WLS: variants seen among roughly 807,000 people sequenced by gnomAD.
The protein encoded by WLS is Wnt ligand secretion mediator.
WLS carries 23 observed loss-of-function variants against 62.8 expected under a neutral mutation model. The ratio of observed to expected loss-of-function variants is 0.37; its 90% confidence interval spans 0.26 to 0.52. The LOEUF (loss-of-function observed/expected upper bound fraction) is 0.52. Among genes scored for constraint, WLS ranks in the 20% least tolerant of loss-of-function variants. WLS has a pLI of 0.92. For missense variants in WLS, 615 were observed against 697.3 expected (o/e 0.88, Z 1.33); for synonymous variants, 246 against 244.1 (o/e 1.01, Z -0.07).
chr1:68,137,056 C>T (rs1347818058), intron 11 of WLS, among the ~76,000 whole-genome samples: 1 of 152,214 alleles, frequency 6.6e-6, no homozygotes, highest in Non-Finnish European at 1.5e-5. Context: ...TATCAGGCCA[C>T]CTGTTACCTG....
chr1:68,197,670 G>A (rs1359895191), intron 1 of WLS, among the ~76,000 whole-genome samples: 1 of 152,084 alleles, frequency 6.6e-6, no homozygotes, highest in Non-Finnish European at 1.5e-5. Context: ...TCTTTATATA[G>A]ACAGCATTAT....
chr1:68,116,541 T>A (rs1646293966), intron 11 of WLS, among the ~76,000 whole-genome samples: 1 of 152,194 alleles, frequency 6.6e-6, no homozygotes, highest in South Asian at 2.1e-4. Context: ...ACCCAAGCTC[T>A]CTGTGCCAAC....
At chr1:68,170,063 C>T (rs1036818491) in intron 2 of WLS, among the ~76,000 whole-genome samples, 2 of 151,856 alleles carry the variant, frequency 1.3e-5, no homozygotes, top group African/African-American at 2.4e-5. Context: ...TAATGCCCTT[C>T]TCCTATCACT....
At chr1:68,110,677 C>G (rs989245244) in intron 11 of WLS, among the ~76,000 whole-genome samples, 1 of 132,272 alleles carries the variant, frequency 7.6e-6, no homozygotes, top group Non-Finnish European at 1.7e-5. Context: ...CTCTCTCTCT[C>G]TCTCTCTCTC....
chr1:68,224,051 A>G (rs1650042208), intron 1 of WLS, among the ~76,000 whole-genome samples: 1 of 152,214 alleles, frequency 6.6e-6, no homozygotes. Context: ...TTTTCTTTCA[A>G]TTACCTCTGC....
chr1:68,209,681 G>A (rs924827480), intron 1 of WLS, among the ~76,000 whole-genome samples: 1 of 152,146 alleles, frequency 6.6e-6, no homozygotes, highest in Non-Finnish European at 1.5e-5. Flanking sequence ...TCAGGAGGCT[G>A]AGGCAGGAGA....
At chr1:68,145,810 C>T in intron 9 of WLS, 59 bp downstream of exon 9, 3 of 1,604,268 alleles carry the variant, frequency 1.9e-6, no homozygotes, top group Non-Finnish European at 2.6e-6. Context: ...TGTGTTTACA[C>T]ATCAAGTGGA....
At chr1:68,184,946 C>G (rs1374908712) in intron 2 of WLS, among the ~76,000 whole-genome samples, 1 of 150,616 alleles carries the variant, frequency 6.6e-6, no homozygotes, top group East Asian at 1.9e-4. Flanking sequence ...AACAAACAAG[C>G]AAACAAAAAA....
At chr1:68,223,618 T>C (rs1038469276) in intron 1 of WLS, among the ~76,000 whole-genome samples, 27 of 152,244 alleles carry the variant, frequency 1.8e-4, no homozygotes, top group Non-Finnish European at 7.3e-5. Context: ...ACATCTCTGA[T>C]AGGCCTGGCT....
chr1:68,138,110 C>T (rs932737839), intron 10 of WLS, 177 bp from the exon 11 acceptor site: 2 of 737,704 alleles, frequency 2.7e-6, no homozygotes, highest in African/African-American at 3.5e-5. Flanking sequence ...TTAAGGTCAA[C>T]TGAAGGTTCT....
At chr1:68,102,173 TCTC>T (rs1274992653) in intron 11 of WLS, among the ~76,000 whole-genome samples, 10 of 152,324 alleles carry the variant, frequency 6.6e-5, no homozygotes, top group African/African-American at 2.2e-4. Context: ...AGGAAACATT[TCTC>T]CTCCTGCATT....
chr1:68,151,909 G>A (rs1229032011), intron 5 of WLS, among the ~76,000 whole-genome samples: 1 of 152,172 alleles, frequency 6.6e-6, no homozygotes, highest in Non-Finnish European at 1.5e-5. Context: ...ATAGGCTGCA[G>A]GGAGGCACGT....
chr1:68,194,021 G>T lies in WLS; in HGVS notation c.313C>A (p.Pro105Thr), dbSNP rs1414608786. ...HIPLPHMEMSPWFQFMLFILQ... is the reference protein window; with the variant it reads ...HIPLPHMEMSTWFQFMLFILQ... The stretch of plus-strand genomic sequence containing the variant: ...ATAAACAGCATGAATTGGAACCAAG[G>T]ACTCATCTCCATGTGGGGGAGGGGA... Residue 105 changes from proline (P) to threonine (T), a missense_variant, in exon 2 of 12, where the codon CCT becomes ACT. Pro to Thr is a conservative substitution (Grantham distance 38, BLOSUM62 -1). Coordinates refer to ENST00000262348, the MANE Select transcript of WLS (RefSeq NM_024911.7). 6.2e-7 allele frequency: 1 copy of T among 1,614,072 alleles called. No individual in the cohort carries two copies. Among genetic ancestry groups the T allele is most frequent in the Non-Finnish European group, 8.5e-7 (1 of 1,180,034 alleles).
chr1:68,220,685 C>G (rs902680043), intron 1 of WLS, among the ~76,000 whole-genome samples: 3 of 152,126 alleles, frequency 2.0e-5, no homozygotes, highest in Non-Finnish European at 4.4e-5. Context: ...TGGAAAACCT[C>G]GAGCCAACAC....
At chr1:68,194,493 C>T (rs1386663646) in intron 1 of WLS, among the ~76,000 whole-genome samples, 2 of 152,138 alleles carry the variant, frequency 1.3e-5, no homozygotes, top group East Asian at 1.9e-4. Flanking sequence ...GTTATACTTC[C>T]CCACTTCAAA....
At chr1:68,197,599 A>G (rs1278618101) in intron 1 of WLS, among the ~76,000 whole-genome samples, 2 of 152,174 alleles carry the variant, frequency 1.3e-5, no homozygotes, top group Admixed American at 6.5e-5. Flanking sequence ...TGTTCCCCCA[A>G]TAATATATTT....
At chr1:68,228,366 G>A in intron 1 of WLS, 1 of 323,112 alleles carries the variant, frequency 3.1e-6, no homozygotes, top group Non-Finnish European at 6.0e-6. Flanking sequence ...ATATTTCTGA[G>A]ACATGACTAA....
chr1:68,213,084 T>C (rs1325348448), intron 1 of WLS, among the ~76,000 whole-genome samples: 1 of 152,230 alleles, frequency 6.6e-6, no homozygotes, highest in Admixed American at 6.5e-5. Context: ...CCAACCATAC[T>C]TGGCTTTGAG....
intron 11 of WLS, among the ~76,000 whole-genome samples, chr1:68,106,404 C>T (rs1008188300): frequency 1.3e-5 from 2 of 151,990 alleles, no homozygotes; most frequent in African/African-American, 2.4e-5. Flanking sequence ...GTGTGTGTGA[C>T]CTCTGCAGCT....
Sources: gnomAD v4.1 joint callset for allele counts (sites outside exome capture counted in the v4.1 genomes callset) on GRCh38, gnomAD v4.1.1 for gene constraint, MANE v1.5 for transcripts, NCBI Gene and HGNC (gene_info 2026-07-23, HGNC 2026-07-21) for gene names.